Variants in ATP1B3 observed in about 807,000 individuals in gnomAD.
The protein encoded by ATP1B3 is ATPase Na+/K+ transporting subunit beta 3, also known as sodium/potassium-transporting ATPase subunit beta-3.
ATP1B3 carries 10 observed loss-of-function variants against 30.2 expected under a neutral mutation model. The ratio of observed to expected loss-of-function variants is 0.33; its 90% CI spans 0.20 to 0.56. The LOEUF is 0.56. Ranked by LOEUF, ATP1B3 falls within the 20% of genes least tolerant of loss-of-function variation. ATP1B3 has a pLI of 0.90. For synonymous variants in ATP1B3, 113 were observed against 117.0 expected (o/e 0.97, Z 0.22); for missense variants, 238 against 336.7 (o/e 0.71, Z 2.29).
chr3:141,886,573 T>C (rs1294845983), intron 1 of ATP1B3, among the ~76,000 whole-genome samples: 1 of 152,210 alleles, frequency 6.6e-6, no homozygotes, highest in Non-Finnish European at 1.5e-5. Context: ...ATATTTTTAC[T>C]TGATGCATCT....
chr3:141,918,024 T>C (rs1934500420), intron 5 of ATP1B3, among the ~76,000 whole-genome samples: 1 of 152,074 alleles, frequency 6.6e-6, no homozygotes, highest in Non-Finnish European at 1.5e-5. Context: ...CGCCTCAGCC[T>C]CCCAAAGTGC....
chr3:141,922,377 G>T (rs948350418), intron 6 of ATP1B3, among the ~76,000 whole-genome samples: 1 of 152,186 alleles, frequency 6.6e-6, no homozygotes, highest in Non-Finnish European at 1.5e-5. Flanking sequence ...TCAAGGCCGG[G>T]TGCGGTGGCT....
chr3:141,889,704 G>T (rs560157589), intron 1 of ATP1B3, among the ~76,000 whole-genome samples: 2 of 132,018 alleles, frequency 1.5e-5, no homozygotes, highest in East Asian at 4.9e-4. Context: ...CACCAGCCTG[G>T]GCAAAAAGAG....
At chr3:141,912,074 T>C (rs1576398509) in intron 3 of ATP1B3, among the ~76,000 whole-genome samples, 1 of 152,160 alleles carries the variant, frequency 6.6e-6, no homozygotes, top group East Asian at 1.9e-4. Flanking sequence ...ATGATGCTGT[T>C]TTGTTATAAA....
chr3:141,905,441 T>G (rs1042587095), intron 2 of ATP1B3, among the ~76,000 whole-genome samples: 1 of 152,164 alleles, frequency 6.6e-6, no homozygotes, highest in Non-Finnish European at 1.5e-5. Flanking sequence ...AAAATGCCAA[T>G]AATGCTGAGA....
intron 3 of ATP1B3, among the ~76,000 whole-genome samples, chr3:141,908,324 A>T (rs1576397265): frequency 6.6e-6 from 1 of 152,276 alleles, no homozygotes; most frequent in East Asian, 1.9e-4. Flanking sequence ...TAACAGTCAC[A>T]TGAGTAATCA....
In ATP1B3 at chr3:141,902,287, AT is replaced by A. The variant is rs1362021114; in HGVS notation, c.110-1330del. ...ATTATAAAATGAAATTGCTTTAACT[AT>A]TTCCCCTTTACTTGAAAAAGGGGGT... On this transcript the variant is annotated intron_variant, in intron 1 of 6. Coordinates refer to ENST00000286371, the MANE Select transcript of ATP1B3 (RefSeq NM_001679.4). The A allele has an allele frequency of 5.9e-6, 7 of 1,176,780 alleles. No homozygotes were observed. In the African/African-American group the frequency reaches 1.1e-4, roughly 19 times the overall value. The allele number at this position is 1,176,780 out of a possible 1,614,324, so 72.9% of individuals were successfully genotyped here.
intron 1 of ATP1B3, among the ~76,000 whole-genome samples, chr3:141,892,047 A>G (rs1448364966): frequency 6.6e-6 from 1 of 152,138 alleles, no homozygotes; most frequent in Non-Finnish European, 1.5e-5. Flanking sequence ...TGTTTTAAAA[A>G]TACATATTGC....
chr3:141,903,491 G>T, intron 1 of ATP1B3, 129 bp from the exon 2 acceptor site: 1 of 1,330,982 alleles, frequency 7.5e-7, no homozygotes, highest in Non-Finnish European at 1.0e-6. Context: ...GAGGATATTT[G>T]GCTATGTGCA....
chr3:141,886,140 A>G (rs998240172), intron 1 of ATP1B3, among the ~76,000 whole-genome samples: 1 of 152,184 alleles, frequency 6.6e-6, no homozygotes, highest in Admixed American at 6.5e-5. Context: ...TAAGTTCCAG[A>G]GAGTCTGGCA....
chr3:141,880,514 C>T (rs1356781745), intron 1 of ATP1B3, among the ~76,000 whole-genome samples: 1 of 151,680 alleles, frequency 6.6e-6, no homozygotes, highest in Non-Finnish European at 1.5e-5. Flanking sequence ...AACTTAAGTT[C>T]ATTGAATACA....
chr3:141,880,913 A>C (rs1285740373), intron 1 of ATP1B3, among the ~76,000 whole-genome samples: 1 of 152,224 alleles, frequency 6.6e-6, no homozygotes, highest in Non-Finnish European at 1.5e-5. Context: ...ATTTTTTAAA[A>C]AACAAACCAG....
At position 141,924,208 on chromosome 3, in the gene ATP1B3, G is replaced by A. The variant is rs560223191; in HGVS notation, c.670-1323G>A. On this transcript the variant is annotated intron_variant, in intron 6 of 6. Coordinates refer to ENST00000286371, the MANE Select transcript of ATP1B3 (RefSeq NM_001679.4). ...AAAATACAAAAATTAGCTGACCGTG[G>A]TGGCACACTCCTGTAATCCCAGCTA... 2.0e-5 allele frequency among the ~76,000 whole-genome samples: 3 copies of A among 152,102 alleles called. No individual in the cohort carries two copies. The East Asian group carries it at 5.8e-4, about 29-fold the overall frequency.
chr3:141,915,627 A>T (rs1173166438), intron 4 of ATP1B3, among the ~76,000 whole-genome samples: 1 of 152,178 alleles, frequency 6.6e-6, no homozygotes, highest in Non-Finnish European at 1.5e-5. Flanking sequence ...CTTATTATAT[A>T]CATTAAATTA....
intron 6 of ATP1B3, chr3:141,922,282 T>C (rs1576402147): frequency 2.7e-6 from 1 of 374,730 alleles, no homozygotes; most frequent in Admixed American, 5.3e-5. Context: ...TAGATGATTA[T>C]TTCTAAAATA....
At chr3:141,902,028 C>A in intron 1 of ATP1B3, 3 of 811,856 alleles carry the variant, frequency 3.7e-6, no homozygotes, top group Non-Finnish European at 5.4e-6. Flanking sequence ...CAAAGAATTT[C>A]TCTTCTGTAT....
At chr3:141,915,017 ATTAAGT>A (rs1286722623) in intron 4 of ATP1B3, among the ~76,000 whole-genome samples, 14 of 130,110 alleles carry the variant, frequency 1.1e-4, no homozygotes, top group Non-Finnish European at 2.4e-4. Context: ...TATAAAATGA[ATTAAGT>A]TTGTTTTAAC....
At chr3:141,899,498 G>C (rs1934123101) in intron 1 of ATP1B3, among the ~76,000 whole-genome samples, 1 of 152,160 alleles carries the variant, frequency 6.6e-6, no homozygotes, top group South Asian at 2.1e-4. Context: ...CATGTGTTGA[G>C]GGGGCATATT....
intron 1 of ATP1B3, among the ~76,000 whole-genome samples, chr3:141,877,345 A>G (rs547969760): frequency 5.4e-4 from 82 of 152,036 alleles, no homozygotes; most frequent in African/African-American, 7.5e-4. Flanking sequence ...AGCGGTTCGG[A>G]GAAGCCAGAC....
Sources: gnomAD v4.1 joint callset for allele counts (sites outside exome capture counted in the v4.1 genomes callset) on GRCh38, gnomAD v4.1.1 for gene constraint, MANE v1.5 for transcripts, NCBI Gene and HGNC (gene_info 2026-07-23, HGNC 2026-07-21) for gene names.